Variants in SYTL4 observed in about 807,000 individuals in gnomAD.
The protein encoded by SYTL4 is synaptotagmin like 4.
SYTL4 carries 16 observed loss-of-function variants against 52.7 expected under a neutral mutation model. The ratio of observed to expected loss-of-function variants is 0.30; its 90% confidence interval spans 0.21 to 0.46. The LOEUF (loss-of-function observed/expected upper bound fraction) is 0.46, where lower values mean the gene tolerates loss of function less well. SYTL4 is among the 20% of genes least tolerant of loss of function. The pLI, the probability that SYTL4 is intolerant of heterozygous loss-of-function variation, is 1.00. For missense variants in SYTL4, 423 were observed against 519.9 expected (o/e 0.81, Z 1.81); for synonymous variants, 160 against 186.6 (o/e 0.86, Z 1.16).
At position 100,678,448 on chromosome X, in the gene SYTL4, G is replaced by A; in HGVS notation, c.1810C>T (p.Arg604Trp). 5 of 1,211,196 alleles carry A rather than the reference G, an allele frequency of 4.1e-6. No homozygotes were observed. Among genetic ancestry groups the A allele is most frequent in the East Asian group, 3.0e-5 (1 of 33,830 alleles). ...HMCLELTVWD[R>W]EPLASNDFLG... ...AAGTCATTGCTGGCCAGGGGCTCCC[G>A]GTCCCACACAGTCAGTTCCAGGCAC... The change falls in exon 19 of 20, where the codon CGG becomes TGG. Residue 604 changes from arginine to tryptophan, a missense_variant. Arg to Trp is a moderately radical substitution (Grantham distance 101). Coordinates refer to ENST00000372989, the MANE Select transcript of SYTL4 (RefSeq NM_001370165.1).
intron 19 of SYTL4, 47 bp downstream of exon 19, chrX:100,678,340 AAAAT>A: frequency 2.0e-6 from 2 of 1,000,781 alleles, no homozygotes; most frequent in Non-Finnish European, 2.8e-6. Flanking sequence ...TAATAGGAGT[AAAAT>A]AGACAAGAAG....
chrX:100,719,629 C>T (rs1230677208), intron 2 of SYTL4, among the ~76,000 whole-genome samples: 1 of 107,131 alleles, frequency 9.3e-6, no homozygotes, highest in African/African-American at 3.4e-5. Flanking sequence ...ACTCATTCCC[C>T]TCATCCAGGA....
chrX:100,686,160 G>C lies in SYTL4; in HGVS notation c.1288-9C>G, dbSNP rs1259555675. On this transcript the variant is annotated splice_polypyrimidine_tract_variant and intron_variant, in intron 15 of 19. Transcript: ENST00000372989. Reference sequence around the variant, plus strand: ...GATTCTGGGATCTCATACTGTGAAGGGAAAGTAAAAGCCCAAGATGATTAG... The same window carrying C: ...GATTCTGGGATCTCATACTGTGAAGCGAAAGTAAAAGCCCAAGATGATTAG... 1 of 1,196,759 alleles carries C rather than the reference G, an allele frequency of 8.4e-7. No individual in the cohort carries two copies. Among genetic ancestry groups the C allele is most frequent in the Non-Finnish European group, 1.1e-6 (1 of 888,425 alleles).
intron 2 of SYTL4, among the ~76,000 whole-genome samples, chrX:100,727,663 T>C (rs2084548324): frequency 1.8e-5 from 2 of 112,341 alleles, no homozygotes; most frequent in African/African-American, 6.5e-5. Flanking sequence ...TGTGGTGGCT[T>C]GGACTAGGGT....
intron 8 of SYTL4, among the ~76,000 whole-genome samples, chrX:100,699,303 G>A (rs1422663608): frequency 9.6e-6 from 1 of 104,545 alleles, no homozygotes; most frequent in African/African-American, 3.5e-5. Flanking sequence ...GGAGGTGAAG[G>A]TTGCAGTGAG....
intron 2 of SYTL4, among the ~76,000 whole-genome samples, chrX:100,722,430 C>T (rs1380909328): frequency 3.6e-5 from 4 of 111,527 alleles, no homozygotes; most frequent in Non-Finnish European, 7.5e-5. Flanking sequence ...CATCTTAACC[C>T]CTGCTCTAAG....
At chrX:100,713,009 A>G (rs2084105322) in intron 2 of SYTL4, among the ~76,000 whole-genome samples, 1 of 112,572 alleles carries the variant, frequency 8.9e-6, no homozygotes. Context: ...ATTTGAAGCA[A>G]CTGGAACTCT....
chrX:100,685,341 TAGTTCTG>T (rs2083456013), intron 16 of SYTL4: 1 of 112,283 alleles, frequency 8.9e-6, no homozygotes. Context: ...TGTCATTGTG[TAGTTCTG>T]ATAATCAAGA....
At chrX:100,688,503 G>A in intron 12 of SYTL4, 60 bp from the exon 13 acceptor site, 1 of 951,948 alleles carries the variant, frequency 1.1e-6, no homozygotes, top group Non-Finnish European at 1.4e-6. Context: ...TAGCTTCAAA[G>A]ACTAATATCT....
intron 2 of SYTL4, among the ~76,000 whole-genome samples, chrX:100,723,766 G>GGCAGCC (rs1157097131): frequency 2.8e-5 from 3 of 106,394 alleles, no homozygotes; most frequent in African/African-American, 1.0e-4. Flanking sequence ...CCCTCCGCCC[G>GGCAGCC]GCAGCCGCAC....
rs147619774 is a variant in SYTL4, at chrX:100,682,937, C to G, written c.1450-1602G>C. ...AAGTATCTGGCACATAGTAGGTGCT[C>G]CACAAATATTTACTGAATGAAGGTA... On this transcript the variant is annotated intron_variant, in intron 16 of 19. Coordinates refer to ENST00000372989, the MANE Select transcript of SYTL4 (RefSeq NM_001370165.1). Among the ~76,000 whole-genome samples the G allele has an allele frequency of 0.019, 2,125 of 110,249 alleles. 96 individuals carry two copies. The East Asian group carries it at 0.24, about 13-fold the overall frequency.
chrX:100,713,701 A>G (rs989049541), intron 2 of SYTL4, among the ~76,000 whole-genome samples: 5 of 111,608 alleles, frequency 4.5e-5, no homozygotes, highest in African/African-American at 1.6e-4. Flanking sequence ...AAATCTGGAA[A>G]CAGCCCAAAT....
At chrX:100,682,888 T>C (rs1435653438) in intron 16 of SYTL4, among the ~76,000 whole-genome samples, 2 of 111,521 alleles carry the variant, frequency 1.8e-5, no homozygotes, top group Non-Finnish European at 3.8e-5. Flanking sequence ...TTTTTGTTCA[T>C]CCTAGTATGC....
chrX:100,722,515 C>T (rs1216577360), intron 2 of SYTL4, among the ~76,000 whole-genome samples: 1 of 111,467 alleles, frequency 9.0e-6, no homozygotes, highest in Non-Finnish European at 1.9e-5. Flanking sequence ...AATCTATGAA[C>T]CTACTTTCAT....
intron 2 of SYTL4, among the ~76,000 whole-genome samples, chrX:100,728,066 G>C (rs1386700388): frequency 1.8e-5 from 2 of 112,035 alleles, no homozygotes; most frequent in Non-Finnish European, 3.8e-5. Flanking sequence ...AAGCCATGCA[G>C]CTGGATGAGA....
In SYTL4 at chrX:100,704,798, G is replaced by C. The variant is rs2083923995; in HGVS notation, c.-164+13C>G. On this transcript the variant is annotated intron_variant, in intron 3 of 19. Coordinates refer to ENST00000372989, the MANE Select transcript of SYTL4 (RefSeq NM_001370165.1). ...AGACAGAGAGTGAAAAAGGAAATGA[G>C]AATCACACTTACCTTCTCTCCTCTC... 2 of 111,744 alleles carry C rather than the reference G, an allele frequency of 1.8e-5. No individual in the cohort carries two copies. The highest frequency in any genetic ancestry group is 6.5e-5 in the African/African-American group (2 of 30,751). The allele number at this position is 111,744 out of a possible 1,213,427, so 9.2% of individuals were successfully genotyped here.
intron 2 of SYTL4, among the ~76,000 whole-genome samples, chrX:100,714,099 T>A (rs752013790): frequency 3.9e-4 from 43 of 111,483 alleles, no homozygotes; most frequent in South Asian, 7.7e-4. Context: ...ATTGTATACT[T>A]TATATATAAT....
At chrX:100,701,162 AC>A in intron 7 of SYTL4, 57 bp downstream of exon 7, 2 of 1,004,802 alleles carry the variant, frequency 2.0e-6, no homozygotes, top group South Asian at 4.0e-5. Context: ...TTAAGATGCT[AC>A]CAGTCAGAAT....
At chrX:100,699,712 T>A (rs1216168618) in intron 8 of SYTL4, among the ~76,000 whole-genome samples, 3 of 99,266 alleles carry the variant, frequency 3.0e-5, no homozygotes, top group Non-Finnish European at 6.1e-5. Context: ...GCTAGGATGG[T>A]CTCGATCTCC....
Sources: allele counts gnomAD v4.1 joint callset (sites outside exome capture counted in the v4.1 genomes callset), GRCh38; gene constraint gnomAD v4.1.1; transcripts MANE v1.5; gene names NCBI Gene and HGNC (gene_info 2026-07-23, HGNC 2026-07-21).